USP32: variants seen among roughly 807,000 people sequenced by gnomAD.
The protein encoded by USP32 is ubiquitin specific peptidase 32.
In USP32, 59 loss-of-function variants were observed where a neutral mutation model predicts 204.8. That is an observed-to-expected ratio of 0.29 (90% CI 0.23 to 0.36). The LOEUF (loss-of-function observed/expected upper bound fraction) is 0.36. Among genes scored for constraint, USP32 ranks in the 10% least tolerant of loss-of-function variants. The probability of loss-of-function intolerance (pLI) is 1.00; values close to 1 mark genes in which losing one functional copy is unlikely to be tolerated. For missense variants in USP32, 1,160 were observed against 1,946.4 expected (o/e 0.60, Z 7.60); for synonymous variants, 517 against 678.4 (o/e 0.76, Z 3.70).
At position 60,185,472 on chromosome 17, in the gene USP32, A is replaced by G. The variant is rs774706222; in HGVS notation, c.3822T>C (p.Leu1274=). The part of the protein sequence containing the change: ...LATKKLDLWR[L]PPILIIHLKR... ...GACTGTAACATACCAGGATGGGTGG[A>G]AGCCTCCAGAGATCCAGCTTCTTTG... is the stretch of plus-strand genomic sequence containing the variant. Residue 1274 remains leucine, a synonymous_variant, in exon 30 of 34, where the codon CTT becomes CTC. Coordinates refer to ENST00000300896, the MANE Select transcript of USP32 (RefSeq NM_032582.4). 1.2e-6 allele frequency: 2 copies of G among 1,606,294 alleles called. No individual in the cohort carries two copies. The highest frequency in any genetic ancestry group is 1.7e-6 in the Non-Finnish European group (2 of 1,175,216).
intron 9 of USP32, chr17:60,256,865 A>G (rs565056207): frequency 2.2e-5 from 14 of 640,044 alleles, no homozygotes; most frequent in Non-Finnish European, 3.1e-5. Flanking sequence ...ATTATTCCTC[A>G]CAGATTTCTA....
chr17:60,222,110 A>T (rs1161937383), intron 15 of USP32, among the ~76,000 whole-genome samples: 1 of 152,204 alleles, frequency 6.6e-6, no homozygotes, highest in Non-Finnish European at 1.5e-5. Flanking sequence ...ACATTCACTG[A>T]ACTTTTTGGC....
intron 1 of USP32, among the ~76,000 whole-genome samples, chr17:60,384,358 T>C (rs990531246): frequency 1.3e-5 from 2 of 152,228 alleles, no homozygotes; most frequent in African/African-American, 4.8e-5. Context: ...TGAAAGACAC[T>C]GGACAACTTC....
intron 24 of USP32, chr17:60,207,725 G>A (rs1052957735): frequency 2.5e-5 from 5 of 196,726 alleles, no homozygotes; most frequent in African/African-American, 1.2e-4. Flanking sequence ...TAATACAGAA[G>A]AGTTGTCAAG....
intron 12 of USP32, chr17:60,231,377 C>A: frequency 7.0e-6 from 2 of 284,986 alleles, no homozygotes; most frequent in East Asian, 7.6e-5. Flanking sequence ...GGACACTGAG[C>A]TCTAGAGTGC....
chr17:60,216,370 C>T (rs1287375278), intron 16 of USP32, among the ~76,000 whole-genome samples: 1 of 150,858 alleles, frequency 6.6e-6, no homozygotes, highest in Non-Finnish European at 1.5e-5. Context: ...TTAAAATAGT[C>T]TTCTCTGCTG....
intron 1 of USP32, among the ~76,000 whole-genome samples, chr17:60,418,528 A>G (rs1001356307): frequency 1.3e-5 from 2 of 152,056 alleles, no homozygotes; most frequent in Non-Finnish European, 1.5e-5. Flanking sequence ...TAATTAAACT[A>G]AAGAGCTTCT....
intron 2 of USP32, among the ~76,000 whole-genome samples, chr17:60,311,029 G>A (rs1484093224): frequency 6.6e-6 from 1 of 152,164 alleles, no homozygotes; most frequent in Non-Finnish European, 1.5e-5. Context: ...ATACAGATAA[G>A]TTGATTAATG....
intron 11 of USP32, among the ~76,000 whole-genome samples, chr17:60,236,754 C>T (rs1410694712): frequency 1.3e-5 from 2 of 152,148 alleles, no homozygotes; most frequent in Non-Finnish European, 1.5e-5. Context: ...ATTCCTATTA[C>T]CACCCTCAGC....
intron 6 of USP32, 142 bp from the exon 7 acceptor site, chr17:60,269,699 G>C (rs2086680884): frequency 3.5e-6 from 2 of 569,634 alleles, no homozygotes; most frequent in Non-Finnish European, 5.9e-6. Flanking sequence ...TAATGTTTCA[G>C]GAAGTACCTC....
intron 16 of USP32, among the ~76,000 whole-genome samples, chr17:60,216,458 CCATT>C (rs1267209111): frequency 6.6e-6 from 1 of 151,946 alleles, no homozygotes; most frequent in African/African-American, 2.4e-5. Flanking sequence ...AATTTTCTAC[CCATT>C]CAATCATGAG....
rs185522276 is a variant in USP32, at chr17:60,338,477, T to C, written c.186+7004A>G. 1.3e-3 allele frequency among the ~76,000 whole-genome samples: 201 copies of C among 152,232 alleles called. 1 individual carries two copies. Among genetic ancestry groups the C allele is most frequent in the African/African-American group, 4.5e-3 (188 of 41,534 alleles). Reference sequence around the variant, plus strand: ...CAGGCATGGTAGCGCACATCTGTAATCCCAGCAATTTGGGAAGTCGAGGCA... The same window carrying C: ...CAGGCATGGTAGCGCACATCTGTAACCCCAGCAATTTGGGAAGTCGAGGCA... On this transcript the variant is annotated intron_variant, in intron 2 of 33. Transcript: ENST00000300896.
chr17:60,296,811 A>G (rs909489711), intron 3 of USP32, among the ~76,000 whole-genome samples: 11 of 152,190 alleles, frequency 7.2e-5, no homozygotes, highest in African/African-American at 2.4e-4. Context: ...GGTATTTTGT[A>G]CATAAAAACT....
chr17:60,188,760 T>C (rs1399286603), intron 29 of USP32, among the ~76,000 whole-genome samples: 1 of 152,194 alleles, frequency 6.6e-6, no homozygotes, highest in Non-Finnish European at 1.5e-5. Context: ...GAATAAAAAA[T>C]ATAAAGTATA....
chr17:60,279,308 A>G (rs2086909702), intron 5 of USP32, among the ~76,000 whole-genome samples: 1 of 151,754 alleles, frequency 6.6e-6, no homozygotes, highest in African/African-American at 2.4e-5. Context: ...ACATGATGAG[A>G]TCCCATCTCT....
At chr17:60,336,273 C>A (rs573528933) in intron 2 of USP32, among the ~76,000 whole-genome samples, 1 of 142,848 alleles carries the variant, frequency 7.0e-6, no homozygotes, top group East Asian at 1.9e-4. Context: ...TAAATTTGCT[C>A]TAGCTTAAAA....
At position 60,389,400 on chromosome 17, in the gene USP32, A is replaced by G. The variant is rs1417597845; in HGVS notation, c.58+2482T>C. Among the ~76,000 whole-genome samples, 619 of 151,796 alleles carry G rather than the reference A, an allele frequency of 4.1e-3. 5 individuals are homozygous for G. The highest frequency in any genetic ancestry group is 0.014 in the African/African-American group (590 of 41,142). On this transcript the variant is annotated intron_variant, in intron 1 of 33. Coordinates refer to ENST00000300896, the MANE Select transcript of USP32 (RefSeq NM_032582.4). The stretch of plus-strand genomic sequence containing the variant: ...CTACTAAAAATACAAAAAATAAGCC[A>G]GGAGTGGTGGCATGCGCCTGTAGTC...
chr17:60,399,254 T>C (rs2089918814), intron 1 of USP32, among the ~76,000 whole-genome samples: 1 of 152,128 alleles, frequency 6.6e-6, no homozygotes, highest in Non-Finnish European at 1.5e-5. Context: ...GAATTTATAT[T>C]CTAGTAGGAA....
Position 60,236,168 on chromosome 17 carries a change from C to T in USP32, c.1209G>A (p.Trp403Ter), listed in dbSNP as rs201805712. 6.2e-7 allele frequency: 1 copy of T among 1,613,946 alleles called. No homozygotes were observed. The highest frequency in any genetic ancestry group is 1.3e-5 in the African/African-American group (1 of 75,046). ...GHNWFIISMQ[W>*]WQQWKEYVKY... ...TGACATATTCTTTCCACTGTTGCCA[C>T]CACTGCATGGAGATGATAAACCAGT... is the stretch of plus-strand genomic sequence containing the variant. The change falls in exon 12 of 34, where the codon TGG becomes TGA. Residue 403 changes from tryptophan (W) to a stop codon, truncating the protein, a stop_gained. Coordinates refer to ENST00000300896, the MANE Select transcript of USP32 (RefSeq NM_032582.4). LOFTEE classifies it high-confidence loss of function.
Sources: gnomAD v4.1 joint callset for allele counts (sites outside exome capture counted in the v4.1 genomes callset) on GRCh38, gnomAD v4.1.1 for gene constraint, MANE v1.5 for transcripts, NCBI Gene and HGNC (gene_info 2026-07-23, HGNC 2026-07-21) for gene names.